PKHD1: variants seen among roughly 807,000 people sequenced by gnomAD.
PKHD1 encodes PKHD1 ciliary IPT domain containing fibrocystin/polyductin, also known as fibrocystin.
A neutral mutation model predicts 412.0 loss-of-function variants in PKHD1; 291 were observed. The observed-to-expected ratio is 0.71, with a 90% CI of 0.64 to 0.78. The LOEUF (loss-of-function observed/expected upper bound fraction) is 0.78, where lower values mean the gene tolerates loss of function less well. Among genes scored for constraint, PKHD1 ranks in the 30% least tolerant of loss-of-function variants. The pLI, the probability that PKHD1 is intolerant of heterozygous loss-of-function variation, is 0.00. For missense variants in PKHD1, 4,825 were observed against 4,950.7 expected, an observed-to-expected ratio of 0.97 and a Z score of 0.76; for synonymous variants, 1,777 against 1,821.5, an observed-to-expected ratio of 0.98 and a Z score of 0.62.
Position 51,791,275 on chromosome 6 carries a change from C to T in PKHD1, c.8401G>A (p.Val2801Met), listed in dbSNP as rs1313038743. Residue 2801 changes from valine (V) to methionine (M), a missense_variant, in exon 53 of 67, where the codon GTG becomes ATG. By Grantham distance (21) the Val-to-Met change is conservative. Transcript: ENST00000371117. ...CCGCCTGCAATGACCATGCATGCCA[C>T]ACTCAGAACATTGCTTCTGTCCACA... ...FPVDRSNVLS[V>M]ACMVIAGGEL... 1 of 1,614,012 alleles carries T rather than the reference C, an allele frequency of 6.2e-7. No individual in the cohort carries two copies. Among genetic ancestry groups the T allele is most frequent in the Admixed American group, 1.7e-5 (1 of 60,010 alleles).
intron 35 of PKHD1, among the ~76,000 whole-genome samples, chr6:52,008,348 C>A (rs575099746): frequency 4.6e-5 from 7 of 152,166 alleles, no homozygotes; most frequent in African/African-American, 1.2e-4. Context: ...ACTCTATGTA[C>A]CCTTTTTTGA....
At chr6:52,045,963 G>T in intron 24 of PKHD1, 41 bp downstream of exon 24, 1 of 1,360,762 alleles carries the variant, frequency 7.3e-7, no homozygotes, top group Non-Finnish European at 1.1e-6. Context: ...AATTTCTCCA[G>T]GGCAGCAAAT....
intron 64 of PKHD1, among the ~76,000 whole-genome samples, chr6:51,637,140 A>G (rs1037039922): frequency 1.3e-5 from 2 of 152,210 alleles, no homozygotes; most frequent in Admixed American, 6.5e-5. Context: ...CTTAAAATAA[A>G]CTTGATAACG....
At chr6:51,848,797 AAGATAGGAAGAAATAT>A (rs1346018605) in intron 49 of PKHD1, among the ~76,000 whole-genome samples, 1 of 152,150 alleles carries the variant, frequency 6.6e-6, no homozygotes, top group Admixed American at 6.5e-5. Context: ...TGTGTATGAT[AAGATAGGAAGAAATAT>A]ATGTGTTAAA....
In PKHD1 at chr6:52,054,064, C is replaced by G; in HGVS notation, c.1938G>C (p.Trp646Cys). The G allele has an allele frequency of 6.2e-7, 1 of 1,613,902 alleles. No individual in the cohort carries two copies. The highest frequency in any genetic ancestry group is 8.5e-7 in the Non-Finnish European group (1 of 1,179,822). Reference protein sequence around the residue: ...QNMVKNTTCDWSLTRTSPESW... With the variant: ...QNMVKNTTCDCSLTRTSPESW... Reference sequence around the variant, plus strand: ...TCTCGGGGCTGGTCCTCGTGAGACTCCAGTCACAGGTGGTATTCTTTACCA... The same window carrying G: ...TCTCGGGGCTGGTCCTCGTGAGACTGCAGTCACAGGTGGTATTCTTTACCA... The change falls in exon 20 of 67, where the codon TGG (tryptophan) becomes TGC (cysteine). Residue 646 changes from tryptophan (W) to cysteine (C), a missense_variant. By Grantham distance (215) the Trp-to-Cys change is radical. Transcript: ENST00000371117.
At chr6:51,978,179 A>G (rs368688962) in intron 35 of PKHD1, among the ~76,000 whole-genome samples, 15 of 152,172 alleles carry the variant, frequency 9.9e-5, no homozygotes, top group African/African-American at 3.6e-4. Context: ...GAGAGAAGAG[A>G]GAAACAGCCA....
At chr6:51,773,597 G>C (rs1790509732) in intron 54 of PKHD1, among the ~76,000 whole-genome samples, 2 of 151,316 alleles carry the variant, frequency 1.3e-5, no homozygotes, top group Non-Finnish European at 3.0e-5. Flanking sequence ...TATTGGAATA[G>C]AAGTTCTAAT....
chr6:51,816,349 C>T (rs1765462428), intron 52 of PKHD1, among the ~76,000 whole-genome samples: 1 of 152,210 alleles, frequency 6.6e-6, no homozygotes, highest in African/African-American at 2.4e-5. Context: ...TGCCTCTGTG[C>T]TCTGTGCAAT....
chr6:51,829,912 G>T (rs1013952805), intron 52 of PKHD1, among the ~76,000 whole-genome samples: 4 of 152,150 alleles, frequency 2.6e-5, no homozygotes, highest in Non-Finnish European at 5.9e-5. Context: ...CCCTGAACAA[G>T]TGACTTAATT....
In PKHD1 at chr6:51,747,703, G is replaced by C. The variant is rs1045786258; in HGVS notation, c.9829+84C>G. The C allele has an allele frequency of 9.2e-6, 11 of 1,201,180 alleles. No homozygotes were observed. The Admixed American group carries it at 1.7e-4, about 19-fold the overall frequency. The allele number at this position is 1,201,180 out of a possible 1,614,324, so 74.4% of individuals were successfully genotyped here. On this transcript the variant is annotated intron_variant, in intron 58 of 66. Transcript: ENST00000371117. ...GCACTAGACCACAATGTACCTTTTT[G>C]TTGATAAAATTTCAGAATGCCATTA...
chr6:51,995,275 C>G (rs1797595568), intron 35 of PKHD1, among the ~76,000 whole-genome samples: 1 of 152,200 alleles, frequency 6.6e-6, no homozygotes, highest in African/African-American at 2.4e-5. Context: ...GATATGGGAT[C>G]TAAGGAGCAT....
Position 51,632,690 on chromosome 6 carries a change from G to A in PKHD1, c.11540C>T (p.Ala3847Val), listed in dbSNP as rs760780999. 48 of 1,613,386 alleles carry A rather than the reference G, an allele frequency of 3.0e-5. No individual in the cohort carries two copies. The highest frequency in any genetic ancestry group is 2.9e-5 in the Non-Finnish European group (34 of 1,179,610). Residue 3847 changes from alanine to valine, a missense_variant, in exon 65 of 67, where the codon GCT becomes GTT. Coordinates refer to ENST00000371117, the MANE Select transcript of PKHD1 (RefSeq NM_138694.4). Reference protein sequence around the residue: ...VNFTARSKPFAVLPVTRKEKS... With the variant: ...VNFTARSKPFVVLPVTRKEKS... ...CTCCTTCCTAGTCACAGGCAAGACA[G>A]CAAATGGCTTGGATCGAGCTGTAAA... is the stretch of plus-strand genomic sequence containing the variant.
intron 60 of PKHD1, among the ~76,000 whole-genome samples, chr6:51,740,256 A>G (rs1010407395): frequency 6.6e-6 from 1 of 152,184 alleles, no homozygotes; most frequent in Non-Finnish European, 1.5e-5. Flanking sequence ...AGATAGCAAA[A>G]CCCACTGGCA....
At chr6:51,995,085 C>A (rs1797565525) in intron 35 of PKHD1, among the ~76,000 whole-genome samples, 1 of 152,170 alleles carries the variant, frequency 6.6e-6, no homozygotes, top group Non-Finnish European at 1.5e-5. Flanking sequence ...GAATACTCAT[C>A]CTTCATCCTT....
chr6:51,664,318 G>T (rs1380066826), intron 60 of PKHD1, among the ~76,000 whole-genome samples: 1 of 152,174 alleles, frequency 6.6e-6, no homozygotes, highest in Non-Finnish European at 1.5e-5. Flanking sequence ...AGGCACTTGA[G>T]AGGGAGAGAA....
At chr6:51,969,788 C>CATAT (rs373608853) in intron 35 of PKHD1, among the ~76,000 whole-genome samples, 1 of 151,830 alleles carries the variant, frequency 6.6e-6, no homozygotes, top group Non-Finnish European at 1.5e-5. Context: ...CACACACACA[C>CATAT]ATATATATAT....
At chr6:51,630,911 G>A (rs1392532216) in intron 65 of PKHD1, among the ~76,000 whole-genome samples, 2 of 152,082 alleles carry the variant, frequency 1.3e-5, no homozygotes, top group Non-Finnish European at 2.9e-5. Flanking sequence ...AAAATATGGG[G>A]ATATCATACA....
intron 66 of PKHD1, among the ~76,000 whole-genome samples, chr6:51,623,178 T>C (rs1326308665): frequency 6.6e-6 from 1 of 152,206 alleles, no homozygotes; most frequent in African/African-American, 2.4e-5. Context: ...CAAAGAATGA[T>C]TGGAATTGCA....
intron 57 of PKHD1, among the ~76,000 whole-genome samples, chr6:51,750,102 C>T (rs955234497): frequency 5.9e-5 from 9 of 152,084 alleles, no homozygotes; most frequent in African/African-American, 9.7e-5. Flanking sequence ...CCTTGCAAAT[C>T]GGCTGCCATG....
Sources: allele counts gnomAD v4.1 joint callset (sites outside exome capture counted in the v4.1 genomes callset), GRCh38; gene constraint gnomAD v4.1.1; transcripts MANE v1.5; gene names NCBI Gene and HGNC (gene_info 2026-07-23, HGNC 2026-07-21).